Variants in ATXN2 observed in about 807,000 individuals in gnomAD.
The protein encoded by ATXN2 is ataxin-2.
In ATXN2, 37 loss-of-function variants were observed where a neutral mutation model predicts 138.6. The ratio of observed to expected loss-of-function variants is 0.27; its 90% CI spans 0.21 to 0.35. The LOEUF (loss-of-function observed/expected upper bound fraction) is 0.35, where lower values mean the gene tolerates loss of function less well. Among genes scored for constraint, ATXN2 ranks in the 10% least tolerant of loss-of-function variants. The pLI is 1.00. For missense variants in ATXN2, 1,216 were observed against 1,480.3 expected, an observed-to-expected ratio of 0.82 and a Z score of 2.93; for synonymous variants, 549 against 543.7, an observed-to-expected ratio of 1.01 and a Z score of -0.13.
In ATXN2 at chr12:111,525,158, A is replaced by G. The variant is rs752472450; in HGVS notation, c.696+34T>C. The G allele has an allele frequency of 7.5e-6, 12 of 1,592,596 alleles. No individual in the cohort carries two copies. In the Admixed American group the frequency reaches 2.2e-4, roughly 29 times the overall value. On this transcript the variant is annotated intron_variant, in intron 6 of 24. Coordinates refer to ENST00000673436, the MANE Select transcript of ATXN2 (RefSeq NM_001372574.1). ...CAAGTGACAGGATGTCATACTGACC[A>G]GAGTCTAGCAATAATTACAAAGATG...
intron 14 of ATXN2, among the ~76,000 whole-genome samples, chr12:111,504,799 C>T (rs770908727): frequency 1.3e-5 from 2 of 152,256 alleles, no homozygotes; most frequent in South Asian, 2.1e-4. Flanking sequence ...AGTCACTCTC[C>T]TATGACCTTT....
At chr12:111,482,625 C>T (rs1566016994) in intron 18 of ATXN2, among the ~76,000 whole-genome samples, 1 of 151,980 alleles carries the variant, frequency 6.6e-6, no homozygotes, top group Non-Finnish European at 1.5e-5. Context: ...ACAAAAAGTT[C>T]CCATTGCATT....
At chr12:111,495,321 A>C (rs956593503) in intron 14 of ATXN2, among the ~76,000 whole-genome samples, 4 of 151,768 alleles carry the variant, frequency 2.6e-5, no homozygotes, top group South Asian at 4.2e-4. Context: ...AAAAAAAAAA[A>C]AAAAAACCAA....
In ATXN2 at chr12:111,453,349, C is replaced by T; in HGVS notation, c.3439+328G>A. The T allele has an allele frequency of 5.4e-6, 6 of 1,102,106 alleles. No homozygotes were observed. Among genetic ancestry groups the T allele is most frequent in the Non-Finnish European group, 6.6e-6 (6 of 905,356 alleles). 68.3% of individuals were successfully genotyped at this position (1,102,106 alleles called of 1,614,324 possible). A position where few individuals can be genotyped will look rare whatever the true frequency, so the allele number is the denominator to read the frequency against. ...CCCCCCACATGTCAGACTTTTGGGA[C>T]TCAGGAAGGAAAACACTGCCCTGTC... On this transcript the variant is annotated intron_variant, in intron 24 of 24. Transcript: ENST00000673436. This position sits in a 1 kb window ranked among gnomAD's most constrained non-coding sequence, Gnocchi z 5.4.
intron 2 of ATXN2, among the ~76,000 whole-genome samples, chr12:111,555,444 G>A (rs1882336785): frequency 1.3e-5 from 2 of 152,118 alleles, no homozygotes; most frequent in Admixed American, 6.5e-5. Context: ...CCCCTACGCT[G>A]CTCTCATGAT....
At chr12:111,566,895 C>A (rs979404160) in intron 1 of ATXN2, among the ~76,000 whole-genome samples, 4 of 152,104 alleles carry the variant, frequency 2.6e-5, no homozygotes, top group African/African-American at 9.7e-5. Context: ...TCCTTGGCCT[C>A]CCAAAGTACT....
intron 1 of ATXN2, among the ~76,000 whole-genome samples, chr12:111,564,627 A>T (rs1882891273): frequency 6.6e-6 from 1 of 150,764 alleles, no homozygotes; most frequent in Non-Finnish European, 1.5e-5. Context: ...CAATACAACA[A>T]TTAAAAATCA....
rs556352918 is a variant in ATXN2 at position 111,494,749 on chromosome 12, AC to A, written c.1936-5970del. 1.1e-4 allele frequency among the ~76,000 whole-genome samples: 16 copies of A among 152,212 alleles called. No homozygotes were observed. In the South Asian group the frequency reaches 3.3e-3, roughly 32 times the overall value. On this transcript the variant is annotated intron_variant, in intron 14 of 24. Coordinates refer to ENST00000673436, the MANE Select transcript of ATXN2 (RefSeq NM_001372574.1). ...GTCATGGTGATCTTAAATCAAAAAC[AC>A]CTACAACAGATACACAAAAAATATA...
intron 1 of ATXN2, among the ~76,000 whole-genome samples, chr12:111,592,934 A>T (rs1884750897): frequency 6.6e-6 from 1 of 151,992 alleles, no homozygotes; most frequent in African/African-American, 2.4e-5. Context: ...AAATACTATC[A>T]CTAGTCAAAA....
intron 21 of ATXN2, among the ~76,000 whole-genome samples, chr12:111,458,950 A>C (rs1875348518): frequency 6.6e-6 from 1 of 152,228 alleles, no homozygotes; most frequent in Admixed American, 6.5e-5. Context: ...CTGCAAAGCT[A>C]TCTCTTAGCA....
chr12:111,492,217 G>T (rs1180505329), intron 14 of ATXN2, among the ~76,000 whole-genome samples: 1 of 152,178 alleles, frequency 6.6e-6, no homozygotes, highest in Non-Finnish European at 1.5e-5. Flanking sequence ...ACAAGAGACT[G>T]CCTGGTAATA....
Position 111,599,044 on chromosome 12 carries a change from C to A in ATXN2, c.-10G>T. 1 of 1,463,806 alleles carries A rather than the reference C, an allele frequency of 6.8e-7. No individual in the cohort carries two copies. The highest frequency in any genetic ancestry group is 1.3e-5 in the South Asian group (1 of 76,864). 90.7% of individuals were successfully genotyped at this position (1,463,806 alleles called of 1,614,324 possible). A position where few individuals can be genotyped will look rare whatever the true frequency, so the allele number is the denominator to read the frequency against. On this transcript the variant is annotated 5_prime_UTR_variant, in exon 1 of 25. Coordinates refer to ENST00000673436, the MANE Select transcript of ATXN2 (RefSeq NM_001372574.1). ...GGGGCTTCAGCGACATGGTGAGGGG[C>A]CCATACACCGGCTCGCACGCCGGGC...
chr12:111,510,917 C>A (rs575728271), intron 11 of ATXN2: 2 of 173,734 alleles, frequency 1.2e-5, no homozygotes, highest in Non-Finnish European at 2.5e-5. Context: ...TTAGTAGAGA[C>A]GGGGTTTCAC....
intron 5 of ATXN2, among the ~76,000 whole-genome samples, chr12:111,535,306 C>T (rs113726605): frequency 9.9e-5 from 15 of 152,226 alleles, no homozygotes; most frequent in African/African-American, 2.6e-4. Context: ...AGATTCTTCA[C>T]GTTGGGATTA....
chr12:111,584,661 C>G (rs1403558607), intron 1 of ATXN2, among the ~76,000 whole-genome samples: 1 of 151,962 alleles, frequency 6.6e-6, no homozygotes, highest in Non-Finnish European at 1.5e-5. Flanking sequence ...GAAACCCCAT[C>G]TCTACTAAAA....
chr12:111,492,633 GAC>G (rs1878116738), intron 14 of ATXN2, among the ~76,000 whole-genome samples: 1 of 151,740 alleles, frequency 6.6e-6, no homozygotes, highest in Admixed American at 6.6e-5. Flanking sequence ...GGTGAGCAAA[GAC>G]TGTGCCACTG....
At chr12:111,576,547 G>A (rs551265872) in intron 1 of ATXN2, among the ~76,000 whole-genome samples, 2 of 151,988 alleles carry the variant, frequency 1.3e-5, no homozygotes, top group East Asian at 1.9e-4. Flanking sequence ...ACAGTGGCAC[G>A]ATCTCTGCTC....
rs1248628255 is a variant in ATXN2, at chr12:111,585,311, A to G, written c.251+13473T>C. Among the ~76,000 whole-genome samples, 7 of 148,692 alleles carry G rather than the reference A, an allele frequency of 4.7e-5. No individual in the cohort carries two copies. The East Asian group carries it at 8.2e-4, about 17-fold the overall frequency. ...GTGGATCATCTGAGGTCAGGAGTTC[A>G]AGACCGGCCTGGCCAATATGGCAAA... On this transcript the variant is annotated intron_variant, in intron 1 of 24. Transcript: ENST00000673436.
At position 111,510,365 on chromosome 12, in the gene ATXN2, A is replaced by G; in HGVS notation, c.1756+20T>C. 1 of 1,608,328 alleles carries G rather than the reference A, an allele frequency of 6.2e-7. No individual in the cohort carries two copies. Among genetic ancestry groups the G allele is most frequent in the Admixed American group, 1.7e-5 (1 of 59,556 alleles). Reference sequence around the variant, plus strand: ...ATTTCACAGCTGAGATTATGGATCCAGAAGCCCTTTGTTACATACCCTCAC... The same window carrying G: ...ATTTCACAGCTGAGATTATGGATCCGGAAGCCCTTTGTTACATACCCTCAC... On this transcript the variant is annotated intron_variant, in intron 12 of 24. Coordinates refer to ENST00000673436, the MANE Select transcript of ATXN2 (RefSeq NM_001372574.1).
Sources: allele counts gnomAD v4.1 joint callset (sites outside exome capture counted in the v4.1 genomes callset), GRCh38; gene constraint gnomAD v4.1.1; non-coding constraint Gnocchi (gnomAD v3.1); transcripts MANE v1.5; gene names NCBI Gene and HGNC (gene_info 2026-07-23, HGNC 2026-07-21).